XCR1: variants seen among roughly 807,000 people sequenced by gnomAD.
XCR1 encodes chemokine XC receptor 1.
For synonymous variants in XCR1, 187 were observed against 188.5 expected, an observed-to-expected ratio of 0.99 and a Z score of 0.06; for missense variants, 356 against 424.2, an observed-to-expected ratio of 0.84 and a Z score of 1.41.
intron 1 of XCR1, among the ~76,000 whole-genome samples, chr3:46,079,589 C>T (rs2125904371): frequency 6.6e-6 from 1 of 152,254 alleles, no homozygotes; most frequent in Admixed American, 6.5e-5. Flanking sequence ...TTCCCTCCCA[C>T]TACCACCTTA....
intron 1 of XCR1, among the ~76,000 whole-genome samples, chr3:46,024,852 G>A (rs1708255548): frequency 6.6e-6 from 1 of 152,126 alleles, no homozygotes; most frequent in Non-Finnish European, 1.5e-5. Flanking sequence ...TGCATGAGTG[G>A]AAGTAATGCT....
intron 5 of XCR1, among the ~76,000 whole-genome samples, chr3:46,033,823 C>G (rs2125896181): frequency 6.6e-6 from 1 of 152,208 alleles, no homozygotes; most frequent in East Asian, 1.9e-4. Flanking sequence ...TCATTTAGGT[C>G]TTCGTTGATT....
At chr3:46,023,452 G>C in intron 1 of XCR1, 1 of 1,520,868 alleles carries the variant, frequency 6.6e-7, no homozygotes, top group Non-Finnish European at 9.1e-7. Flanking sequence ...ATCTGAGCAG[G>C]CTCGTCTTTC....
At chr3:46,057,949 T>C (rs1480522840) in intron 4 of XCR1, among the ~76,000 whole-genome samples, 11 of 146,916 alleles carry the variant, frequency 7.5e-5, no homozygotes, top group Admixed American at 6.2e-4. Context: ...TCCATCTATC[T>C]ATCTATCTGC....
At chr3:46,057,167 T>C (rs1258356631) in intron 4 of XCR1, among the ~76,000 whole-genome samples, 1 of 152,198 alleles carries the variant, frequency 6.6e-6, no homozygotes, top group Non-Finnish European at 1.5e-5. Flanking sequence ...CCTGCTATGT[T>C]TTCTAGGCTG....
chr3:46,040,382 A>G (rs1211129655), intron 5 of XCR1, among the ~76,000 whole-genome samples: 1 of 152,150 alleles, frequency 6.6e-6, no homozygotes, highest in Non-Finnish European at 1.5e-5. Flanking sequence ...TTTGACCTCA[A>G]ACTAACTTTT....
chr3:46,064,227 A>G (rs935345620), intron 4 of XCR1, among the ~76,000 whole-genome samples: 2 of 152,216 alleles, frequency 1.3e-5, no homozygotes, highest in African/African-American at 2.4e-5. Context: ...CTGAACACAT[A>G]TCATGTGCCA....
At chr3:46,056,547 C>T (rs754983831) in intron 4 of XCR1, among the ~76,000 whole-genome samples, 27 of 152,108 alleles carry the variant, frequency 1.8e-4, no homozygotes, top group Non-Finnish European at 2.8e-4. Flanking sequence ...AATCACAGCT[C>T]GCTGCAGCCT....
At chr3:46,028,236 A>T (rs979827725), upstream of XCR1, among the ~76,000 whole-genome samples, 1 of 151,718 alleles carries the variant, frequency 6.6e-6, no homozygotes, top group Non-Finnish European at 1.5e-5. Flanking sequence ...CAGTGGGGGG[A>T]GTAAAAGAGC....
At chr3:46,037,435 GA>G (rs1228659417) in intron 5 of XCR1, among the ~76,000 whole-genome samples, 1 of 151,930 alleles carries the variant, frequency 6.6e-6, no homozygotes, top group Admixed American at 6.6e-5. Context: ...AAAGAAAAGA[GA>G]AAAATATTGT....
At chr3:46,052,732 T>A (rs1273738578) in intron 5 of XCR1, among the ~76,000 whole-genome samples, 1 of 152,178 alleles carries the variant, frequency 6.6e-6, no homozygotes, top group Non-Finnish European at 1.5e-5. Flanking sequence ...CCAGTGCGCG[T>A]TCATAATCTG....
At chr3:46,039,897 A>G (rs1397633951) in intron 5 of XCR1, among the ~76,000 whole-genome samples, 1 of 152,232 alleles carries the variant, frequency 6.6e-6, no homozygotes, top group Non-Finnish European at 1.5e-5. Flanking sequence ...AGGGTTTTCT[A>G]GGAGCATTGA....
chr3:46,034,186 G>T (rs1697373872), intron 5 of XCR1, among the ~76,000 whole-genome samples: 1 of 152,052 alleles, frequency 6.6e-6, no homozygotes, highest in African/African-American at 2.4e-5. Flanking sequence ...TGGTCAGGAT[G>T]GTCTCGAACT....
chr3:46,053,110 G>A (rs79806033), intron 5 of XCR1, among the ~76,000 whole-genome samples: 28,550 of 152,152 alleles, frequency 0.19, 2,858 homozygotes, highest in Middle Eastern at 0.32. Context: ...TCAGATATGC[G>A]CTAGCAGACA....
At chr3:46,057,631 A>G (rs550072415) in intron 4 of XCR1, among the ~76,000 whole-genome samples, 1 of 152,240 alleles carries the variant, frequency 6.6e-6, no homozygotes, top group South Asian at 2.1e-4. Context: ...ACTTTATGGA[A>G]AGGAAATTAT....
rs537028585 is a variant in XCR1, at chr3:46,026,563, C to G, written c.-32+854G>C. Reference sequence around the variant, plus strand: ...GTTAGGTCTACTCAAAGTATGGTTCCCAGATCCATTTTTCTTCTTCTTCTT... The same window carrying G: ...GTTAGGTCTACTCAAAGTATGGTTCGCAGATCCATTTTTCTTCTTCTTCTT... On this transcript the variant is annotated intron_variant, in intron 1 of 1. Transcript: ENST00000309285. 1.3e-5 allele frequency among the ~76,000 whole-genome samples: 2 copies of G among 151,868 alleles called. 1 individual carries two copies. Among genetic ancestry groups the G allele is most frequent in the South Asian group, 4.2e-4 (2 of 4,804 alleles).
chr3:46,064,003 G>A (rs190238715), intron 4 of XCR1, among the ~76,000 whole-genome samples: 1 of 152,194 alleles, frequency 6.6e-6, no homozygotes, highest in Admixed American at 6.5e-5. Flanking sequence ...CTCCCTAGTA[G>A]CTGGGACTAA....
intron 1 of XCR1, chr3:46,023,989 C>T: frequency 7.0e-7 from 1 of 1,422,382 alleles, no homozygotes; most frequent in Non-Finnish European, 9.9e-7. Context: ...CTTGCCGCCA[C>T]ATTCAGAAAC....
chr3:46,054,995 A>G (rs550282616), intron 4 of XCR1, among the ~76,000 whole-genome samples: 3 of 152,322 alleles, frequency 2.0e-5, no homozygotes, highest in South Asian at 2.1e-4. Context: ...CAGAAAAGGC[A>G]TATGTAACTC....
Sources: allele counts gnomAD v4.1 joint callset (sites outside exome capture counted in the v4.1 genomes callset), GRCh38; gene constraint gnomAD v4.1.1; transcripts MANE v1.5; gene names NCBI Gene and HGNC (gene_info 2026-07-23, HGNC 2026-07-21).